NEDD4L: variants seen among roughly 807,000 people sequenced by gnomAD.
The protein encoded by NEDD4L is E3 ubiquitin-protein ligase NEDD4-like.
NEDD4L carries 54 observed loss-of-function variants against 148.9 expected under a neutral mutation model. The ratio of observed to expected loss-of-function variants is 0.36; its 90% confidence interval spans 0.29 to 0.45. The LOEUF is 0.45. NEDD4L is among the 20% of genes least tolerant of loss of function. The pLI is 1.00. For synonymous variants in NEDD4L, 433 were observed against 440.7 expected, an observed-to-expected ratio of 0.98 and a Z score of 0.22; for missense variants, 856 against 1,233.8, an observed-to-expected ratio of 0.69 and a Z score of 4.59.
At chr18:58,226,126 A>G (rs968421843) in intron 2 of NEDD4L, among the ~76,000 whole-genome samples, 1 of 152,188 alleles carries the variant, frequency 6.6e-6, no homozygotes, top group African/African-American at 2.4e-5. Context: ...GAATGAATGG[A>G]TATTTCCTGG....
intron 1 of NEDD4L, among the ~76,000 whole-genome samples, chr18:58,123,809 T>C (rs1021530736): frequency 6.6e-6 from 1 of 152,080 alleles, no homozygotes; most frequent in East Asian, 1.9e-4. Context: ...CCTCCACCTT[T>C]CCACCTGCTG....
At chr18:58,066,198 G>C (rs1363002414) in intron 1 of NEDD4L, among the ~76,000 whole-genome samples, 4 of 152,040 alleles carry the variant, frequency 2.6e-5, no homozygotes, top group Non-Finnish European at 5.9e-5. Context: ...GACATGTTTT[G>C]GGTAAACCGT....
At chr18:58,179,325 C>CAAA (rs1473950169) in intron 2 of NEDD4L, among the ~76,000 whole-genome samples, 2 of 152,150 alleles carry the variant, frequency 1.3e-5, no homozygotes, top group Admixed American at 6.5e-5. Flanking sequence ...CCTGGAATGT[C>CAAA]AAAATATCAG....
At chr18:58,174,451 A>T (rs987152765) in intron 2 of NEDD4L, among the ~76,000 whole-genome samples, 32 of 151,624 alleles carry the variant, frequency 2.1e-4, no homozygotes, top group African/African-American at 7.7e-4. Context: ...TTCACCGGGG[A>T]CCCGCCCCTA....
At chr18:58,200,329 G>A (rs1256058781) in intron 2 of NEDD4L, among the ~76,000 whole-genome samples, 1 of 152,212 alleles carries the variant, frequency 6.6e-6, no homozygotes, top group Non-Finnish European at 1.5e-5. Flanking sequence ...GTAGGTGCCA[G>A]TTGAAATACT....
At chr18:58,133,209 A>G (rs1431865548) in intron 1 of NEDD4L, among the ~76,000 whole-genome samples, 4 of 152,250 alleles carry the variant, frequency 2.6e-5, no homozygotes, top group African/African-American at 7.2e-5. Context: ...ATGGTTTAAT[A>G]TGCTTAAATA....
chr18:58,115,389 A>G (rs2085752039), intron 1 of NEDD4L, among the ~76,000 whole-genome samples: 2 of 151,706 alleles, frequency 1.3e-5, no homozygotes, highest in African/African-American at 4.8e-5. Context: ...GCTTACATTC[A>G]AGTTTTTCGG....
chr18:58,056,621 C>G (rs1383720007), intron 1 of NEDD4L, among the ~76,000 whole-genome samples: 1 of 152,000 alleles, frequency 6.6e-6, no homozygotes, highest in East Asian at 1.9e-4. Context: ...CACTCTGTAG[C>G]CCAAGCAAGA....
intron 2 of NEDD4L, among the ~76,000 whole-genome samples, chr18:58,166,366 T>A: frequency 6.6e-6 from 1 of 152,206 alleles, no homozygotes; most frequent in African/African-American, 2.4e-5. Context: ...GTGTTTCAGC[T>A]TTTTTATTTT....
intron 2 of NEDD4L, among the ~76,000 whole-genome samples, chr18:58,203,672 C>T (rs1423058116): frequency 6.7e-6 from 1 of 149,480 alleles, no homozygotes; most frequent in African/African-American, 2.5e-5. Flanking sequence ...GTTAAAATAA[C>T]CATGACTGGT....
intron 25 of NEDD4L, among the ~76,000 whole-genome samples, 200 bp downstream of exon 25, chr18:58,383,519 T>C (rs2048613873): frequency 6.6e-6 from 1 of 152,166 alleles, no homozygotes; most frequent in Non-Finnish European, 1.5e-5. Context: ...CATGACTCCA[T>C]TGAGCTGCCC....
intron 2 of NEDD4L, among the ~76,000 whole-genome samples, chr18:58,185,729 C>T (rs1301320661): frequency 2.0e-5 from 3 of 151,998 alleles, no homozygotes; most frequent in East Asian, 1.9e-4. Context: ...CAAAATTAGC[C>T]GGGTGTGGTG....
chr18:58,182,252 G>C lies in NEDD4L; in HGVS notation c.122+16391G>C, dbSNP rs566126100. ...ACCCACAGAGGAAAATGCGGGGCGG[G>C]GGGTGAATGCATCTGCTCATTTTGT... On this transcript the variant is annotated intron_variant, in intron 2 of 30. Coordinates refer to ENST00000400345, the MANE Select transcript of NEDD4L (RefSeq NM_001144967.3). Among the ~76,000 whole-genome samples the C allele has an allele frequency of 3.3e-5, 5 of 152,138 alleles. No homozygotes were observed. In the East Asian group the frequency reaches 7.7e-4, roughly 24 times the overall value.
intron 1 of NEDD4L, among the ~76,000 whole-genome samples, chr18:58,107,833 C>T (rs536138905): frequency 1.3e-5 from 2 of 152,206 alleles, no homozygotes; most frequent in African/African-American, 4.8e-5. Context: ...CCATTCCGGC[C>T]TCCCAAGTAA....
intron 1 of NEDD4L, among the ~76,000 whole-genome samples, chr18:58,063,949 C>CTTTTTTTTTTTT (rs58608106): frequency 7.7e-6 from 1 of 129,830 alleles, no homozygotes; most frequent in Non-Finnish European, 1.6e-5. Context: ...TATAATGTTT[C>CTTTTTTTTTTTT]TTTTTTTTTT....
chr18:58,210,035 C>G (rs537648989), intron 2 of NEDD4L, among the ~76,000 whole-genome samples: 3 of 152,008 alleles, frequency 2.0e-5, no homozygotes, highest in African/African-American at 7.3e-5. Context: ...GGCATGGTGG[C>G]TTATGCCTGT....
At chr18:58,213,693 T>C (rs992144764) in intron 2 of NEDD4L, among the ~76,000 whole-genome samples, 1 of 152,202 alleles carries the variant, frequency 6.6e-6, no homozygotes, top group Non-Finnish European at 1.5e-5. Flanking sequence ...GCTGCAATGC[T>C]GTGGTTTGAG....
At chr18:58,197,035 A>G (rs1376712633) in intron 2 of NEDD4L, among the ~76,000 whole-genome samples, 1 of 152,132 alleles carries the variant, frequency 6.6e-6, no homozygotes, top group Non-Finnish European at 1.5e-5. Context: ...GTAATGTGTG[A>G]AATTGAACTT....
At chr18:58,160,963 C>G (rs1271795539) in intron 1 of NEDD4L, among the ~76,000 whole-genome samples, 36 of 152,164 alleles carry the variant, frequency 2.4e-4, no homozygotes, top group Admixed American at 2.4e-3. Context: ...GTATTTGCAG[C>G]TCTGTACCTT....
Sources: gnomAD v4.1 joint callset for allele counts (sites outside exome capture counted in the v4.1 genomes callset) on GRCh38, gnomAD v4.1.1 for gene constraint, MANE v1.5 for transcripts, NCBI Gene and HGNC (gene_info 2026-07-23, HGNC 2026-07-21) for gene names.